The following HS6ST3 variants were observed in gnomAD, a reference collection of about 807,000 sequenced individuals.
The protein encoded by HS6ST3 is heparan-sulfate 6-O-sulfotransferase 3.
HS6ST3 carries 12 observed loss-of-function variants against 36.7 expected under a neutral mutation model. The ratio of observed to expected loss-of-function variants is 0.33; its 90% CI spans 0.21 to 0.53. The LOEUF is 0.53. Ranked by LOEUF, HS6ST3 falls within the 20% of genes least tolerant of loss-of-function variation. HS6ST3 has a pLI of 0.95. For missense variants in HS6ST3, 584 were observed against 640.9 expected (o/e 0.91, Z 0.96); for synonymous variants, 240 against 257.5 (o/e 0.93, Z 0.65).
At chr13:96,524,404 A>T (rs2056105633) in intron 1 of HS6ST3, among the ~76,000 whole-genome samples, 1 of 152,206 alleles carries the variant, frequency 6.6e-6, no homozygotes, top group African/African-American at 2.4e-5. Flanking sequence ...GCTGTCAGGC[A>T]GGGATGTTTA....
intron 1 of HS6ST3, among the ~76,000 whole-genome samples, chr13:96,321,354 C>G (rs2055002014): frequency 1.3e-5 from 2 of 152,088 alleles, no homozygotes; most frequent in African/African-American, 4.8e-5. Flanking sequence ...ATGATCTTTT[C>G]TGTATTCTTG....
chr13:96,832,656 G>A lies in HS6ST3; in HGVS notation c.874G>A (p.Gly292Arg). The stretch of plus-strand genomic sequence containing the variant: ...CTGCTACCCTGGGGATGACTGGTCT[G>A]GGGTCAGCTTGCGGGAGTTTATGGA... ...PTCYPGDDWS[G>R]VSLREFMDCT... Residue 292 changes from glycine to arginine, a missense_variant, in exon 2 of 2, where the codon GGG becomes AGG. Physicochemically the swap from Gly to Arg is moderately radical, Grantham distance 125 (BLOSUM62 -2). This residue lies in a region of HS6ST3 where 360 missense variants were observed against 411.3 expected (regional missense o/e 0.88). Coordinates refer to ENST00000376705, the MANE Select transcript of HS6ST3 (RefSeq NM_153456.4). 1 of 1,614,148 alleles carries A rather than the reference G, an allele frequency of 6.2e-7. No individual in the cohort carries two copies. Among genetic ancestry groups the A allele is most frequent in the Admixed American group, 1.7e-5 (1 of 60,028 alleles).
chr13:96,150,911 CAT>C (rs2054081786), intron 1 of HS6ST3, among the ~76,000 whole-genome samples: 1 of 152,230 alleles, frequency 6.6e-6, no homozygotes, highest in East Asian at 1.9e-4. Flanking sequence ...TGTGAATAAA[CAT>C]ATATGTCTAT....
At chr13:96,300,687 A>G (rs991797485) in intron 1 of HS6ST3, among the ~76,000 whole-genome samples, 1 of 152,210 alleles carries the variant, frequency 6.6e-6, no homozygotes. Context: ...TTTAATATCA[A>G]GAATCAAAGG....
chr13:96,512,741 C>T lies in HS6ST3; in HGVS notation c.708-319749C>T, dbSNP rs575063242. Among the ~76,000 whole-genome samples, 18 of 152,232 alleles carry T rather than the reference C, an allele frequency of 1.2e-4. No homozygotes were observed. The East Asian group carries it at 2.9e-3, about 24-fold the overall frequency. ...TATAAGTTTATTTTGTACCTGTCAA[C>T]CTCACAGAACCCTCTTATTAATTCC... On this transcript the variant is annotated intron_variant, in intron 1 of 1. Coordinates refer to ENST00000376705, the MANE Select transcript of HS6ST3 (RefSeq NM_153456.4).
chr13:96,236,943 C>T (rs920765358), intron 1 of HS6ST3, among the ~76,000 whole-genome samples: 2 of 152,188 alleles, frequency 1.3e-5, no homozygotes, highest in African/African-American at 4.8e-5. Context: ...AATTGACTCA[C>T]AGTTCCATGT....
intron 1 of HS6ST3, among the ~76,000 whole-genome samples, chr13:96,513,406 T>G (rs2056058851): frequency 6.6e-6 from 1 of 152,174 alleles, no homozygotes; most frequent in Non-Finnish European, 1.5e-5. Context: ...TTCTTTTCTT[T>G]TCATGTCTGT....
chr13:96,628,347 ACTT>A (rs1361519982), intron 1 of HS6ST3, among the ~76,000 whole-genome samples: 4 of 151,758 alleles, frequency 2.6e-5, no homozygotes, highest in African/African-American at 9.7e-5. Flanking sequence ...TTTATTTTTA[ACTT>A]CTTCATGTTT....
At chr13:96,133,188 G>T in intron 1 of HS6ST3, among the ~76,000 whole-genome samples, 1 of 151,984 alleles carries the variant, frequency 6.6e-6, no homozygotes, top group Non-Finnish European at 1.5e-5. Flanking sequence ...GAATGCAGTG[G>T]CCCAATCTCA....
At chr13:96,305,193 A>G (rs1440457944) in intron 1 of HS6ST3, among the ~76,000 whole-genome samples, 1 of 152,152 alleles carries the variant, frequency 6.6e-6, no homozygotes, top group Non-Finnish European at 1.5e-5. Flanking sequence ...AAAATTAGGG[A>G]AATACTATTG....
chr13:96,470,288 A>G (rs764304597), intron 1 of HS6ST3, among the ~76,000 whole-genome samples: 7 of 152,192 alleles, frequency 4.6e-5, no homozygotes, highest in Non-Finnish European at 1.0e-4. Context: ...TTAGTTTTTA[A>G]GCATTCCCTT....
intron 1 of HS6ST3, among the ~76,000 whole-genome samples, chr13:96,706,785 C>A (rs1009246161): frequency 6.6e-6 from 1 of 151,980 alleles, no homozygotes; most frequent in African/African-American, 2.4e-5. Flanking sequence ...AAGTTATTAA[C>A]CTGCTTAGGA....
intron 1 of HS6ST3, among the ~76,000 whole-genome samples, chr13:96,182,260 A>T (rs1191394847): frequency 6.6e-6 from 1 of 152,236 alleles, no homozygotes; most frequent in South Asian, 2.1e-4. Flanking sequence ...TTTTGCTAAA[A>T]TAATATTGAA....
intron 1 of HS6ST3, among the ~76,000 whole-genome samples, chr13:96,303,131 A>G (rs1015681044): frequency 2.0e-5 from 3 of 152,234 alleles, no homozygotes; most frequent in Non-Finnish European, 2.9e-5. Flanking sequence ...GGAAGTTTCT[A>G]TCATTTAAAA....
chr13:96,597,599 G>C (rs1485172192), intron 1 of HS6ST3, among the ~76,000 whole-genome samples: 1 of 151,854 alleles, frequency 6.6e-6, no homozygotes, highest in African/African-American at 2.4e-5. Context: ...TTTCTCAAGT[G>C]TATAGTTTGC....
intron 1 of HS6ST3, among the ~76,000 whole-genome samples, chr13:96,800,226 G>A (rs1279292262): frequency 6.6e-6 from 1 of 150,662 alleles, no homozygotes; most frequent in Admixed American, 6.6e-5. Flanking sequence ...AAAGCAAAAT[G>A]CTTGCTCAAT....
chr13:96,547,888 T>A (rs1285611816), intron 1 of HS6ST3, among the ~76,000 whole-genome samples: 1 of 152,068 alleles, frequency 6.6e-6, no homozygotes, highest in Admixed American at 6.6e-5. Context: ...TTTTTTTTTT[T>A]AATCTTAGAG....
intron 1 of HS6ST3, among the ~76,000 whole-genome samples, chr13:96,457,078 A>G (rs1161920244): frequency 2.0e-5 from 3 of 152,146 alleles, no homozygotes; most frequent in Non-Finnish European, 4.4e-5. Context: ...TTCAAGTTCT[A>G]TCAGTTTTAG....
chr13:96,249,909 A>T (rs2054600054), intron 1 of HS6ST3, among the ~76,000 whole-genome samples: 1 of 151,984 alleles, frequency 6.6e-6, no homozygotes, highest in Non-Finnish European at 1.5e-5. Context: ...CCAGAGACAA[A>T]ATGTAGATTA....
Sources: allele counts gnomAD v4.1 joint callset (sites outside exome capture counted in the v4.1 genomes callset), GRCh38; gene constraint gnomAD v4.1.1; regional missense constraint gnomAD v4.1.1; transcripts MANE v1.5; gene names NCBI Gene and HGNC (gene_info 2026-07-23, HGNC 2026-07-21).